Variants in OARD1 observed in about 807,000 individuals in gnomAD.
OARD1 encodes the protein ADP-ribose glycohydrolase OARD1.
OARD1 carries 19 observed loss-of-function variants against 19.7 expected under a neutral mutation model. That is an observed-to-expected ratio of 0.96 (90% confidence interval 0.67 to 1.41). OARD1 has a LOEUF of 1.41. Among genes scored for constraint, OARD1 ranks in the 40% most tolerant of loss-of-function variants. The probability of loss-of-function intolerance (pLI) is 0.00; values close to 1 mark genes in which losing one functional copy is unlikely to be tolerated. For missense variants in OARD1, 190 were observed against 183.8 expected (o/e 1.03, Z -0.20); for synonymous variants, 70 against 61.8 (o/e 1.13, Z -0.62).
intron 3 of OARD1, chr6:41,070,776 G>A: frequency 4.2e-6 from 2 of 474,928 alleles, no homozygotes; most frequent in Non-Finnish European, 7.5e-6. Flanking sequence ...GGAGGGGTCT[G>A]TAAGGAAGAA....
chr6:41,089,444 T>C (rs1561854484), intron 1 of OARD1: 4 of 896,750 alleles, frequency 4.5e-6, no homozygotes, highest in Non-Finnish European at 3.2e-6. Context: ...TACTTCATAA[T>C]GGAGGGCAGA....
At chr6:41,090,535 G>A (rs551961918) in intron 1 of OARD1, among the ~76,000 whole-genome samples, 3 of 152,304 alleles carry the variant, frequency 2.0e-5, no homozygotes, top group African/African-American at 7.2e-5. Context: ...CTAATCTAGG[G>A]ATTGTGTAAG....
At chr6:41,081,153 GTATAAGTGACAGGAAGAAATTCT>G (rs1309570889) in intron 1 of OARD1, among the ~76,000 whole-genome samples, 1 of 152,162 alleles carries the variant, frequency 6.6e-6, no homozygotes, top group Non-Finnish European at 1.5e-5. Context: ...AAAAGAAATG[GTATAAGTGACAGGAAGAAATTCT>G]TATAAGTGAC....
At chr6:41,097,720 G>A in exon 1 of OARD1, 1 of 250,740 alleles carries the variant, frequency 4.0e-6, no homozygotes, top group Admixed American at 5.1e-5. Context: ...TACCTTGACT[G>A]GTGAAGTCAG....
At chr6:41,092,924 G>T in intron 1 of OARD1, 3 of 1,613,544 alleles carry the variant, frequency 1.9e-6, no homozygotes, top group Non-Finnish European at 1.7e-6. Context: ...GGTTCCTGGG[G>T]CTGGCTCTGT....
At chr6:41,095,344 ATTT>A (rs1764318529) in intron 1 of OARD1, among the ~76,000 whole-genome samples, 1 of 151,982 alleles carries the variant, frequency 6.6e-6, no homozygotes, top group South Asian at 2.1e-4. Flanking sequence ...TGTCCTTAGA[ATTT>A]TCAGTCTGTA....
chr6:41,067,250 C>T lies in OARD1; in HGVS notation c.*85G>A. 1.3e-6 allele frequency: 1 copy of T among 748,766 alleles called. No individual in the cohort carries two copies. Among genetic ancestry groups the T allele is most frequent in the Non-Finnish European group, 2.3e-6 (1 of 442,654 alleles). 46.4% of individuals were successfully genotyped at this position (748,766 alleles called of 1,614,324 possible). A position where few individuals can be genotyped will look rare whatever the true frequency, so the allele number is the denominator to read the frequency against. ...CTACTTCTCATGAAACTTTCCTCTGCCTATTTTAAGGTAGGTTTGCCCGGT... is the reference window on the plus strand; with the variant it reads ...CTACTTCTCATGAAACTTTCCTCTGTCTATTTTAAGGTAGGTTTGCCCGGT... On this transcript the variant is annotated 3_prime_UTR_variant, in exon 6 of 6. Coordinates refer to ENST00000424266, the MANE Select transcript of OARD1 (RefSeq NM_001329686.2).
At chr6:41,067,549 C>A (rs1763081428) in intron 5 of OARD1, 112 bp from the exon 6 acceptor site, 1 of 667,874 alleles carries the variant, frequency 1.5e-6, no homozygotes, top group Admixed American at 2.6e-5. Context: ...TAGTCTGACA[C>A]CCTTATGGGC....
chr6:41,067,281 G>A lies in OARD1; in HGVS notation c.*54C>T, dbSNP rs973134412. 8.6e-7 allele frequency: 1 copy of A among 1,168,260 alleles called. No individual in the cohort carries two copies. The highest frequency in any genetic ancestry group is 1.5e-5 in the African/African-American group (1 of 65,842). 72.4% of individuals were successfully genotyped at this position (1,168,260 alleles called of 1,614,324 possible). On this transcript the variant is annotated 3_prime_UTR_variant, in exon 6 of 6. Coordinates refer to ENST00000424266, the MANE Select transcript of OARD1 (RefSeq NM_001329686.2). ...TTAAGGTAGGTTTGCCCGGTCCTAT[G>A]GCCCAGTAGAGATGACACAGGAGAA... is the stretch of plus-strand genomic sequence containing the variant.
chr6:41,073,283 G>C (rs1418175338), upstream of OARD1, among the ~76,000 whole-genome samples: 1 of 151,618 alleles, frequency 6.6e-6, no homozygotes, highest in East Asian at 2.0e-4. Flanking sequence ...AGGCCTGCAG[G>C]GGCCGCCCCG....
chr6:41,089,748 AT>A, intron 1 of OARD1: 1 of 1,599,820 alleles, frequency 6.3e-7, no homozygotes. Flanking sequence ...AGCAAAACTG[AT>A]TTGGAAGAGT....
At chr6:41,087,032 GAT>G (rs1410937870) in intron 1 of OARD1, among the ~76,000 whole-genome samples, 4 of 152,058 alleles carry the variant, frequency 2.6e-5, no homozygotes, top group African/African-American at 7.2e-5. Context: ...ACTTGGAAAA[GAT>G]ATTTTTAATA....
At chr6:41,092,909 C>T in intron 1 of OARD1, 1 of 1,612,810 alleles carries the variant, frequency 6.2e-7, no homozygotes, top group Non-Finnish European at 8.5e-7. Context: ...CCTGTTCACA[C>T]AGATGGTTCC....
rs2113796905 is a variant in OARD1 at position 41,081,946 on chromosome 6, A to G, written c.-41-10271T>C. ...GGGTTCTAATTTGGCCAGTTCCTATAAAACACAGGAGTAGCAGCACTAGTC... is the reference window on the plus strand; with the variant it reads ...GGGTTCTAATTTGGCCAGTTCCTATGAAACACAGGAGTAGCAGCACTAGTC... On this transcript the variant is annotated intron_variant, in intron 1 of 4. Coordinates refer to the OARD1 transcript ENST00000480585. Among the ~76,000 whole-genome samples, 3 of 152,342 alleles carry G rather than the reference A, an allele frequency of 2.0e-5. No homozygotes were observed. In the South Asian group the frequency reaches 6.2e-4, roughly 32 times the overall value.
rs370022576 is a variant in OARD1, at chr6:41,094,266, T to C, written c.-42+3447A>G. On this transcript the variant is annotated intron_variant, in intron 1 of 4. Coordinates refer to the OARD1 transcript ENST00000480585. The stretch of plus-strand genomic sequence containing the variant: ...TTCTCCAAAGCTTCCATCGTCATTC[T>C]AAGTCATAATTGTCCCTTGTGACTT... 165 of 697,624 alleles carry C rather than the reference T, an allele frequency of 2.4e-4. 2 individuals carry two copies. In the East Asian group the frequency reaches 4.4e-3, roughly 19 times the overall value. The allele number at this position is 697,624 out of a possible 1,614,324, so 43.2% of individuals were successfully genotyped here. A position where few individuals can be genotyped will look rare whatever the true frequency, so the allele number is the denominator to read the frequency against.
intron 1 of OARD1, among the ~76,000 whole-genome samples, chr6:41,081,859 T>C (rs954374960): frequency 6.6e-6 from 1 of 152,230 alleles, no homozygotes; most frequent in Admixed American, 6.5e-5. Context: ...AAAGCCACTG[T>C]GATAATTCTT....
At chr6:41,091,419 T>C in intron 1 of OARD1, 1 of 1,058,874 alleles carries the variant, frequency 9.4e-7, no homozygotes, top group Non-Finnish European at 1.3e-6. Context: ...TCAGTGTGTT[T>C]TGCCAGGATC....
chr6:41,090,742 C>A (rs1764178433), intron 1 of OARD1, among the ~76,000 whole-genome samples: 1 of 152,084 alleles, frequency 6.6e-6, no homozygotes. Flanking sequence ...AGCCTCTAGT[C>A]TAGTAAGAAA....
intron 1 of OARD1, chr6:41,079,185 TA>T (rs1283208856): frequency 6.2e-7 from 1 of 1,611,456 alleles, no homozygotes; most frequent in African/African-American, 1.3e-5. Context: ...AAAACTGCTT[TA>T]AACATTACAG....
Sources: gnomAD v4.1 joint callset for allele counts (sites outside exome capture counted in the v4.1 genomes callset) on GRCh38, gnomAD v4.1.1 for gene constraint, MANE v1.5 for transcripts, NCBI Gene and HGNC (gene_info 2026-07-23, HGNC 2026-07-21) for gene names.